Variants in GALNT7 observed in about 807,000 individuals in gnomAD.
GALNT7 encodes the protein N-acetylgalactosaminyltransferase 7.
GALNT7 carries 60 observed loss-of-function variants against 82.1 expected under a neutral mutation model. The observed-to-expected ratio is 0.73, with a 90% CI of 0.59 to 0.91. GALNT7 has a LOEUF of 0.91. GALNT7 is among the 40% of genes least tolerant of loss of function. GALNT7 has a pLI of 0.00. For synonymous variants in GALNT7, 243 were observed against 275.1 expected, an observed-to-expected ratio of 0.88 and a Z score of 1.15; for missense variants, 660 against 804.2, an observed-to-expected ratio of 0.82 and a Z score of 2.17.
chr4:173,172,115 G>C (rs1163298918), intron 1 of GALNT7, among the ~76,000 whole-genome samples: 1 of 152,222 alleles, frequency 6.6e-6, no homozygotes, highest in Admixed American at 6.5e-5. Context: ...ACGGAAGGAA[G>C]TACACTTTGA....
intron 1 of GALNT7, among the ~76,000 whole-genome samples, chr4:173,234,051 G>C (rs1246205253): frequency 6.6e-6 from 1 of 152,182 alleles, no homozygotes; most frequent in African/African-American, 2.4e-5. Context: ...TTATCAGTCA[G>C]CTTCAACTTC....
At chr4:173,241,288 A>G (rs2126726940) in intron 1 of GALNT7, among the ~76,000 whole-genome samples, 1 of 152,196 alleles carries the variant, frequency 6.6e-6, no homozygotes, top group East Asian at 1.9e-4. Flanking sequence ...TGGTACATTT[A>G]ATTTTCCTGT....
chr4:173,301,978 T>A, intron 6 of GALNT7, 69 bp from the exon 7 acceptor site: 1 of 758,520 alleles, frequency 1.3e-6, no homozygotes, highest in South Asian at 1.5e-5. Flanking sequence ...CTACAAGGCT[T>A]CTTGCCTATT....
At chr4:173,242,040 C>G (rs1734453244) in intron 1 of GALNT7, among the ~76,000 whole-genome samples, 1 of 152,154 alleles carries the variant, frequency 6.6e-6, no homozygotes. Context: ...TTGGGACGAA[C>G]TGGTTTACTG....
Position 173,212,049 on chromosome 4 carries a change from C to T in GALNT7, c.127-35931C>T, listed in dbSNP as rs533986756. Among the ~76,000 whole-genome samples the T allele has an allele frequency of 3.3e-5, 5 of 152,252 alleles. No individual in the cohort carries two copies. The East Asian group carries it at 9.7e-4, about 29-fold the overall frequency. ...TTCATAGGTGAGTCACAGTGGCTTT[C>T]TTCTCTTTCTTTCACATGGTGCTGA... On this transcript the variant is annotated intron_variant, in intron 1 of 11. Transcript: ENST00000265000.
chr4:173,311,003 C>A (rs1424423056), intron 8 of GALNT7, among the ~76,000 whole-genome samples: 1 of 152,194 alleles, frequency 6.6e-6, no homozygotes, highest in Non-Finnish European at 1.5e-5. Context: ...AGCCACCACG[C>A]CCAGCCTATA....
intron 1 of GALNT7, among the ~76,000 whole-genome samples, chr4:173,183,719 G>T (rs1732354895): frequency 6.6e-6 from 1 of 151,712 alleles, no homozygotes; most frequent in African/African-American, 2.4e-5. Flanking sequence ...CTCCCAGACG[G>T]GGCGGCGGCC....
intron 2 of GALNT7, among the ~76,000 whole-genome samples, chr4:173,286,398 T>A (rs892397021): frequency 5.9e-5 from 9 of 152,224 alleles, no homozygotes; most frequent in African/African-American, 2.2e-4. Flanking sequence ...TCCTGCTATA[T>A]TGTATGGGTT....
intron 2 of GALNT7, among the ~76,000 whole-genome samples, chr4:173,284,052 G>A (rs1736219905): frequency 6.6e-6 from 1 of 152,174 alleles, no homozygotes; most frequent in African/African-American, 2.4e-5. Context: ...AACAAAACAA[G>A]AATTAGCAGT....
intron 2 of GALNT7, among the ~76,000 whole-genome samples, chr4:173,286,033 A>G (rs1736310158): frequency 6.6e-6 from 1 of 152,254 alleles, no homozygotes; most frequent in Non-Finnish European, 1.5e-5. Flanking sequence ...ACAACAACAA[A>G]AAACCTTTTC....
At position 173,313,979 on chromosome 4, in the gene GALNT7, G is replaced by A; in HGVS notation, c.1411G>A (p.Val471Ile). 6.4e-7 allele frequency: 1 copy of A among 1,569,846 alleles called. No homozygotes were observed. The highest frequency in any genetic ancestry group is 8.8e-7 in the Non-Finnish European group (1 of 1,140,486). Residue 471 changes from valine (V) to isoleucine (I), a missense_variant, in exon 9 of 12, where the codon GTT (valine) becomes ATT (isoleucine). Physicochemically the swap from Val to Ile is conservative, Grantham distance 29. Around this residue, in one of 2 missense-constraint regions of GALNT7, gnomAD observed 527 missense variants for 683.5 expected, o/e 0.77. Transcript: ENST00000265000. ...ACAGAATTATGTTAGAGTTGTGGAG[G>A]TTTGGTGGGATGAATATAAAGACTA... is the stretch of plus-strand genomic sequence containing the variant. ...TLKNYVRVVE[V>I]WWDEYKDYFY...
intron 1 of GALNT7, among the ~76,000 whole-genome samples, chr4:173,239,717 CAAA>C (rs1484208802): frequency 6.6e-6 from 1 of 152,110 alleles, no homozygotes; most frequent in Non-Finnish European, 1.5e-5. Context: ...AGTGTTAACA[CAAA>C]GAAGGGTTTT....
chr4:173,235,516 G>A (rs1734191303), intron 1 of GALNT7, among the ~76,000 whole-genome samples: 1 of 151,240 alleles, frequency 6.6e-6, no homozygotes, highest in African/African-American at 2.4e-5. Flanking sequence ...TCTTTGCTCA[G>A]TGATGTACTC....
At chr4:173,196,958 A>G (rs1057086355) in intron 1 of GALNT7, among the ~76,000 whole-genome samples, 3 of 151,938 alleles carry the variant, frequency 2.0e-5, no homozygotes, top group African/African-American at 7.3e-5. Context: ...AACCAGTTTA[A>G]TGCATATAGA....
chr4:173,322,856 T>G lies in GALNT7; in HGVS notation c.*1139T>G, dbSNP rs1737871309. On this transcript the variant is annotated 3_prime_UTR_variant, in exon 12 of 12. Coordinates refer to ENST00000265000, the MANE Select transcript of GALNT7 (RefSeq NM_017423.3). ...GACATTATCTGCACGTTTTTAAAAT[T>G]TAAAAACAAAGGACTATTTAAAAAT... The G allele has an allele frequency of 6.6e-6, 1 of 152,156 alleles. No homozygotes were observed. Among genetic ancestry groups the G allele is most frequent in the South Asian group, 2.1e-4 (1 of 4,834 alleles). The allele number at this position is 152,156 out of a possible 1,614,324, so 9.4% of individuals were successfully genotyped here. A position where few individuals can be genotyped will look rare whatever the true frequency, so the allele number is the denominator to read the frequency against.
intron 1 of GALNT7, among the ~76,000 whole-genome samples, chr4:173,246,876 T>G (rs879509078): frequency 2.0e-5 from 3 of 152,166 alleles, no homozygotes; most frequent in Admixed American, 2.0e-4. Context: ...TAGAGGGAAG[T>G]GGCAGACCCA....
At chr4:173,240,597 G>A (rs1262959595) in intron 1 of GALNT7, among the ~76,000 whole-genome samples, 1 of 152,066 alleles carries the variant, frequency 6.6e-6, no homozygotes, top group Non-Finnish European at 1.5e-5. Flanking sequence ...TCGAACTCCA[G>A]ACCTCAGGTG....
intron 1 of GALNT7, among the ~76,000 whole-genome samples, chr4:173,199,870 A>G (rs1312790890): frequency 6.6e-6 from 1 of 152,208 alleles, no homozygotes; most frequent in Non-Finnish European, 1.5e-5. Context: ...ACAGGACTGT[A>G]ATAAAAATGG....
intron 5 of GALNT7, 85 bp downstream of exon 5, chr4:173,295,928 C>G: frequency 1.2e-6 from 1 of 803,172 alleles, no homozygotes; most frequent in Non-Finnish European, 2.2e-6. Context: ...CCTTTGATTC[C>G]AGCTCCATTC....
Sources: allele counts gnomAD v4.1 joint callset (sites outside exome capture counted in the v4.1 genomes callset), GRCh38; gene constraint gnomAD v4.1.1; regional missense constraint gnomAD v4.1.1; transcripts MANE v1.5; gene names NCBI Gene and HGNC (gene_info 2026-07-23, HGNC 2026-07-21).